PPFIA2: variants seen among roughly 807,000 people sequenced by gnomAD.
PPFIA2 encodes the protein liprin-alpha-2.
A neutral mutation model predicts 175.5 loss-of-function variants in PPFIA2; 46 were observed. The observed-to-expected ratio is 0.26, with a 90% CI of 0.21 to 0.34. PPFIA2 has a LOEUF of 0.34. Among genes scored for constraint, PPFIA2 ranks in the 10% least tolerant of loss-of-function variants. The pLI, the probability that PPFIA2 is intolerant of heterozygous loss-of-function variation, is 1.00. For missense variants in PPFIA2, 1,179 were observed against 1,506.1 expected (o/e 0.78, Z 3.60); for synonymous variants, 568 against 511.4 (o/e 1.11, Z -1.49).
At chr12:81,606,240 T>C (rs1420622096) in intron 4 of PPFIA2, among the ~76,000 whole-genome samples, 1 of 152,090 alleles carries the variant, frequency 6.6e-6, no homozygotes, top group Admixed American at 6.6e-5. Flanking sequence ...CCCAGGTTGA[T>C]TCCATGTCTT....
At chr12:81,712,178 G>T (rs1170353892) in intron 3 of PPFIA2, among the ~76,000 whole-genome samples, 1 of 151,226 alleles carries the variant, frequency 6.6e-6, no homozygotes, top group Non-Finnish European at 1.5e-5. Flanking sequence ...TAACTACTAT[G>T]CTGGTTGAAA....
chr12:81,334,708 T>C (rs1284576994), intron 21 of PPFIA2, among the ~76,000 whole-genome samples: 2 of 152,230 alleles, frequency 1.3e-5, no homozygotes, highest in East Asian at 3.8e-4. Context: ...AGTAACAATA[T>C]AGATTCTATA....
At chr12:81,689,328 GTGA>G (rs2074938759) in intron 3 of PPFIA2, among the ~76,000 whole-genome samples, 2 of 151,912 alleles carry the variant, frequency 1.3e-5, no homozygotes, top group South Asian at 4.1e-4. Context: ...TTTGAAATAA[GTGA>G]TGATCATAAT....
chr12:81,317,993 T>C (rs1217880425), intron 22 of PPFIA2, among the ~76,000 whole-genome samples: 1 of 151,710 alleles, frequency 6.6e-6, no homozygotes, highest in Non-Finnish European at 1.5e-5. Flanking sequence ...TGGTCAATTC[T>C]TTCTTCCTAC....
intron 3 of PPFIA2, among the ~76,000 whole-genome samples, chr12:81,680,445 A>AT (rs1056695661): frequency 2.0e-5 from 3 of 151,896 alleles, no homozygotes; most frequent in Admixed American, 1.3e-4. Context: ...CCAAACCTGT[A>AT]TTTTTTTAAT....
chr12:81,517,094 C>T (rs976158205), intron 4 of PPFIA2, among the ~76,000 whole-genome samples: 2 of 150,494 alleles, frequency 1.3e-5, no homozygotes, highest in African/African-American at 4.9e-5. Flanking sequence ...TTTTCCTTAA[C>T]CCCACATTGT....
At chr12:81,440,919 T>C (rs1449893700) in intron 6 of PPFIA2, among the ~76,000 whole-genome samples, 1 of 151,114 alleles carries the variant, frequency 6.6e-6, no homozygotes, top group Non-Finnish European at 1.5e-5. Context: ...AAAAACTTTA[T>C]AGCTTTAACT....
Position 81,258,203 on chromosome 12 carries a change from C to A in PPFIA2, c.*1491G>T, listed in dbSNP as rs1370872801. ...TTTGGGTCACCCAAAGAACACATTTCCTGATAGTTTAAGTAAATTGTCGAG... is the reference window on the plus strand; with the variant it reads ...TTTGGGTCACCCAAAGAACACATTTACTGATAGTTTAAGTAAATTGTCGAG... On this transcript the variant is annotated 3_prime_UTR_variant, in exon 33 of 33. Transcript: ENST00000549396. 1 of 152,036 alleles carries A rather than the reference C, an allele frequency of 6.6e-6. No individual in the cohort carries two copies. The highest frequency in any genetic ancestry group is 1.5e-5 in the Non-Finnish European group (1 of 68,002). 9.4% of individuals were successfully genotyped at this position (152,036 alleles called of 1,614,324 possible). A position where few individuals can be genotyped will look rare whatever the true frequency, so the allele number is the denominator to read the frequency against.
intron 3 of PPFIA2, among the ~76,000 whole-genome samples, chr12:81,724,523 C>G (rs1206342948): frequency 6.6e-6 from 1 of 150,796 alleles, no homozygotes; most frequent in East Asian, 2.0e-4. Context: ...ATTTCACTCT[C>G]TTATGTCCAC....
intron 4 of PPFIA2, among the ~76,000 whole-genome samples, chr12:81,492,938 A>T (rs1336763638): frequency 6.6e-6 from 1 of 152,112 alleles, no homozygotes; most frequent in African/African-American, 2.4e-5. Flanking sequence ...AAGTGATTGA[A>T]GTAGATAGAT....
intron 4 of PPFIA2, among the ~76,000 whole-genome samples, chr12:81,535,752 G>A (rs2065280545): frequency 6.6e-6 from 1 of 151,580 alleles, no homozygotes; most frequent in African/African-American, 2.4e-5. Flanking sequence ...GGAGCAAGAA[G>A]ATATTCATCA....
intron 4 of PPFIA2, among the ~76,000 whole-genome samples, chr12:81,564,225 C>T (rs1260588352): frequency 6.6e-6 from 1 of 152,168 alleles, no homozygotes; most frequent in African/African-American, 2.4e-5. Flanking sequence ...TCAAATAGCA[C>T]TTCAAAAGCA....
chr12:81,574,522 G>A (rs889758155), intron 4 of PPFIA2, among the ~76,000 whole-genome samples: 2 of 151,684 alleles, frequency 1.3e-5, no homozygotes, highest in African/African-American at 4.8e-5. Flanking sequence ...CATCCCTGGT[G>A]TAAAAGATTG....
chr12:81,632,662 A>G (rs1029169256), intron 4 of PPFIA2, among the ~76,000 whole-genome samples: 1 of 152,084 alleles, frequency 6.6e-6, no homozygotes, highest in South Asian at 2.1e-4. Context: ...CCTGGTAGGA[A>G]TTACACAATA....
At chr12:81,413,130 C>A (rs746175733) in intron 7 of PPFIA2, among the ~76,000 whole-genome samples, 63 of 151,762 alleles carry the variant, frequency 4.2e-4, no homozygotes, top group Admixed American at 2.0e-3. Flanking sequence ...TCTCACCAAC[C>A]ATTTTGACAC....
intron 4 of PPFIA2, among the ~76,000 whole-genome samples, chr12:81,517,697 A>C (rs1289910986): frequency 6.6e-6 from 1 of 152,140 alleles, no homozygotes; most frequent in Non-Finnish European, 1.5e-5. Context: ...CATTAAAAGG[A>C]GATTGGTATG....
chr12:81,456,498 C>T (rs116913869), intron 5 of PPFIA2, among the ~76,000 whole-genome samples: 77 of 152,248 alleles, frequency 5.1e-4, no homozygotes, highest in Non-Finnish European at 8.2e-4. Context: ...GCACAAGCTC[C>T]CAGTTAGTAG....
In PPFIA2 at chr12:81,435,966, A is replaced by C. The variant is rs181377875; in HGVS notation, c.645+4006T>G. Among the ~76,000 whole-genome samples the C allele has an allele frequency of 6.0e-4, 91 of 152,214 alleles. No homozygotes were observed. In the East Asian group the frequency reaches 0.013, roughly 21 times the overall value. ...AATGTTAAGGGACACTTGTAAATAC[A>C]TTTTAAATTTAATTTAAAATCTGAA... On this transcript the variant is annotated intron_variant, in intron 7 of 32. Transcript: ENST00000549396.
chr12:81,724,796 G>C (rs1405625008), intron 3 of PPFIA2, among the ~76,000 whole-genome samples: 4 of 151,016 alleles, frequency 2.6e-5, no homozygotes, highest in East Asian at 2.0e-4. Context: ...AACATAAGGG[G>C]GAAGGTGTTT....
Sources: gnomAD v4.1 joint callset for allele counts (sites outside exome capture counted in the v4.1 genomes callset) on GRCh38, gnomAD v4.1.1 for gene constraint, MANE v1.5 for transcripts, NCBI Gene and HGNC (gene_info 2026-07-23, HGNC 2026-07-21) for gene names.